Variants in EPHX4 observed in about 807,000 individuals in gnomAD.
EPHX4 encodes epoxide hydrolase 4, also known as abhydrolase domain containing 7.
Under a neutral mutation model 44.9 loss-of-function variants are expected in EPHX4, and 31 were observed. The ratio of observed to expected loss-of-function variants is 0.69; its 90% CI spans 0.52 to 0.93. EPHX4 has a LOEUF of 0.93. Ranked by LOEUF, EPHX4 falls within the 40% of genes least tolerant of loss-of-function variation. The probability of loss-of-function intolerance (pLI) is 0.00; values close to 1 mark genes in which losing one functional copy is unlikely to be tolerated. For missense variants in EPHX4, 373 were observed against 438.1 expected, an observed-to-expected ratio of 0.85 and a Z score of 1.33; for synonymous variants, 151 against 159.7, an observed-to-expected ratio of 0.95 and a Z score of 0.41.
At chr1:92,048,875 G>A (rs954327233) in intron 4 of EPHX4, among the ~76,000 whole-genome samples, 1 of 151,190 alleles carries the variant, frequency 6.6e-6, no homozygotes, top group African/African-American at 2.4e-5. Flanking sequence ...TTACACCACT[G>A]TTTTTTTTGT....
intron 2 of EPHX4, among the ~76,000 whole-genome samples, chr1:92,039,839 A>G (rs1430844256): frequency 6.6e-6 from 1 of 152,088 alleles, no homozygotes; most frequent in Non-Finnish European, 1.5e-5. Flanking sequence ...TTTTTAGTAG[A>G]GACGTGGTTT....
intron 6 of EPHX4, among the ~76,000 whole-genome samples, chr1:92,060,014 G>A (rs1051513321): frequency 2.2e-4 from 33 of 151,822 alleles, no homozygotes; most frequent in African/African-American, 6.3e-4. Flanking sequence ...CTGCCCCACC[G>A]AGAAGTATTT....
At chr1:92,050,097 T>G (rs1418225276) in intron 4 of EPHX4, among the ~76,000 whole-genome samples, 1 of 151,188 alleles carries the variant, frequency 6.6e-6, no homozygotes, top group Non-Finnish European at 1.5e-5. Flanking sequence ...AGACTCTGTC[T>G]CAAAAAAATA....
chr1:92,034,294 C>T (rs1336576019), intron 2 of EPHX4, among the ~76,000 whole-genome samples: 23 of 122,636 alleles, frequency 1.9e-4, no homozygotes, highest in Non-Finnish European at 3.0e-4. Context: ...AGCGAGATTC[C>T]GTCTCAAAAA....
intron 2 of EPHX4, among the ~76,000 whole-genome samples, chr1:92,036,718 T>G (rs1688443932): frequency 6.6e-6 from 1 of 152,208 alleles, no homozygotes; most frequent in East Asian, 1.9e-4. Flanking sequence ...GCTCAGCTAC[T>G]CAGATAGATC....
At chr1:92,031,285 C>T (rs911847290) in intron 1 of EPHX4, among the ~76,000 whole-genome samples, 1 of 152,070 alleles carries the variant, frequency 6.6e-6, no homozygotes, top group African/African-American at 2.4e-5. Flanking sequence ...CATTGCAGTG[C>T]CCATAACATT....
chr1:92,053,616 G>A lies in EPHX4; in HGVS notation c.857+958G>A, dbSNP rs561930785. 9.9e-5 allele frequency among the ~76,000 whole-genome samples: 15 copies of A among 152,262 alleles called. No individual in the cohort carries two copies. The East Asian group carries it at 2.9e-3, about 29-fold the overall frequency. Reference sequence around the variant, plus strand: ...AACTAGTCTGAAAACAGTGGAGATGGAGAGAGTGGGCAGATTTCAGAGACA... The same window carrying A: ...AACTAGTCTGAAAACAGTGGAGATGAAGAGAGTGGGCAGATTTCAGAGACA... On this transcript the variant is annotated intron_variant, in intron 6 of 6. Transcript: ENST00000370383.
At position 92,030,013 on chromosome 1, in the gene EPHX4, CTG is replaced by C. The variant is rs1307439006; in HGVS notation, c.-66_-65del. On this transcript the variant is annotated 5_prime_UTR_variant, in exon 1 of 7. Transcript: ENST00000370383. The stretch of plus-strand genomic sequence containing the variant: ...CGTCGAGAGGCGACGGCGGGCTGGC[CTG>C]GCGCGCTGCGGCGCTCGCTCACCCG... The C allele has an allele frequency of 4.8e-6, 6 of 1,248,816 alleles. No individual in the cohort carries two copies. In the Middle Eastern group the frequency reaches 6.4e-4, roughly 132 times the overall value. 77.4% of individuals were successfully genotyped at this position (1,248,816 alleles called of 1,614,324 possible).
intron 4 of EPHX4, 137 bp downstream of exon 4, chr1:92,045,797 A>G (rs572812603): frequency 3.3e-6 from 3 of 910,754 alleles, no homozygotes; most frequent in African/African-American, 3.4e-5. Context: ...ATAGCACATG[A>G]CAGTGTCAGA....
rs1688376800 is a variant in EPHX4 at position 92,032,542 on chromosome 1, A to T, written c.269A>T (p.Glu90Val). The change falls in exon 2 of 7, where the codon GAA becomes GTA. Residue 90 changes from glutamate (E) to valine (V), a missense_variant. Physicochemically the swap from Glu to Val is moderately radical, Grantham distance 121. Transcript: ENST00000370383. Reference protein sequence around the residue: ...GLRFHYVAAGERGKPLMLLLH... With the variant: ...GLRFHYVAAGVRGKPLMLLLH... ...AGATTTCACTATGTTGCTGCTGGAGAAAGAGGCAAACCACTTATGCTGCTG... is the reference window on the plus strand; with the variant it reads ...AGATTTCACTATGTTGCTGCTGGAGTAAGAGGCAAACCACTTATGCTGCTG... 6.2e-7 allele frequency: 1 copy of T among 1,614,110 alleles called. No homozygotes were observed. The highest frequency in any genetic ancestry group is 8.5e-7 in the Non-Finnish European group (1 of 1,180,012).
intron 6 of EPHX4, among the ~76,000 whole-genome samples, chr1:92,054,824 G>T (rs1170200418): frequency 6.6e-6 from 1 of 152,022 alleles, no homozygotes; most frequent in Non-Finnish European, 1.5e-5. Flanking sequence ...AAATCTAGAA[G>T]TCTATAGATG....
At chr1:92,055,360 A>G (rs1167240603) in intron 6 of EPHX4, among the ~76,000 whole-genome samples, 1 of 152,216 alleles carries the variant, frequency 6.6e-6, no homozygotes, top group African/African-American at 2.4e-5. Flanking sequence ...TACAGCAGGT[A>G]TTGATTTAAA....
chr1:92,032,832 GC>G (rs1456429537), intron 2 of EPHX4, among the ~76,000 whole-genome samples: 1 of 152,126 alleles, frequency 6.6e-6, no homozygotes, highest in Non-Finnish European at 1.5e-5. Flanking sequence ...GGCCGAAATT[GC>G]CCTTTCATAG....
At chr1:92,060,154 A>T (rs930661777) in intron 6 of EPHX4, among the ~76,000 whole-genome samples, 2 of 152,156 alleles carry the variant, frequency 1.3e-5, no homozygotes, top group Non-Finnish European at 2.9e-5. Context: ...ACTCCCTGTA[A>T]TCCTAGCACT....
chr1:92,032,869 A>AGAGCCT (rs1688381878), intron 2 of EPHX4, among the ~76,000 whole-genome samples: 1 of 152,186 alleles, frequency 6.6e-6, no homozygotes, highest in African/African-American at 2.4e-5. Context: ...CCATGAGGGC[A>AGAGCCT]GAGCCTGCAT....
At chr1:92,034,041 G>A (rs1239654076) in intron 2 of EPHX4, among the ~76,000 whole-genome samples, 2 of 141,558 alleles carry the variant, frequency 1.4e-5, no homozygotes, top group Non-Finnish European at 3.0e-5. Context: ...TAAAAGAGGT[G>A]GTACATATCA....
rs776829612 is a variant in EPHX4, at chr1:92,030,129, C to T, written c.50C>T (p.Ser17Phe). Residue 17 changes from serine (S) to phenylalanine (F), a missense_variant, in exon 1 of 7, where the codon TCC (serine) becomes TTC (phenylalanine). By Grantham distance (155) the Ser-to-Phe change is radical. Coordinates refer to ENST00000370383, the MANE Select transcript of EPHX4 (RefSeq NM_173567.5). ...CCCCGCCTGATGCTCACGCTCCGGT[C>T]CCTGCTCTTCTGGTCCCTGGTCTAC... ...CLPRLMLTLR[S>F]LLFWSLVYCY... 6.2e-7 allele frequency: 1 copy of T among 1,611,942 alleles called. No individual in the cohort carries two copies. Among genetic ancestry groups the T allele is most frequent in the South Asian group, 1.1e-5 (1 of 90,810 alleles).
chr1:92,039,598 A>G (rs1688482591), intron 2 of EPHX4, among the ~76,000 whole-genome samples: 1 of 152,222 alleles, frequency 6.6e-6, no homozygotes, highest in Non-Finnish European at 1.5e-5. Context: ...ATCCACAGAC[A>G]AGATTAACAA....
intron 6 of EPHX4, among the ~76,000 whole-genome samples, chr1:92,061,073 G>T (rs1415333547): frequency 6.6e-6 from 1 of 151,978 alleles, no homozygotes; most frequent in Non-Finnish European, 1.5e-5. Flanking sequence ...TAGAGACAGG[G>T]TTTCCCATGT....
Sources: gnomAD v4.1 joint callset for allele counts (sites outside exome capture counted in the v4.1 genomes callset) on GRCh38, gnomAD v4.1.1 for gene constraint, MANE v1.5 for transcripts, NCBI Gene and HGNC (gene_info 2026-07-23, HGNC 2026-07-21) for gene names.